DIAPH2: variants seen among roughly 807,000 people sequenced by gnomAD.
DIAPH2 encodes the protein diaphanous related formin 2.
A neutral mutation model predicts 92.7 loss-of-function variants in DIAPH2; 35 were observed. The observed-to-expected ratio is 0.38, with a 90% CI of 0.29 to 0.50. The LOEUF is 0.50. Ranked by LOEUF, DIAPH2 falls within the 20% of genes least tolerant of loss-of-function variation. DIAPH2 has a pLI of 0.94. For missense variants in DIAPH2, 701 were observed against 819.5 expected, an observed-to-expected ratio of 0.86 and a Z score of 1.77; for synonymous variants, 301 against 280.4, an observed-to-expected ratio of 1.07 and a Z score of -0.73.
chrX:97,441,864 A>G (rs1376927209), intron 26 of DIAPH2, among the ~76,000 whole-genome samples: 1 of 113,357 alleles, frequency 8.8e-6, no homozygotes, highest in African/African-American at 3.2e-5. Flanking sequence ...GACAGACATC[A>G]CATGTATTGG....
chrX:96,848,128 C>T (rs1345821703), intron 4 of DIAPH2, among the ~76,000 whole-genome samples: 1 of 110,820 alleles, frequency 9.0e-6, no homozygotes, highest in Non-Finnish European at 1.9e-5. Flanking sequence ...CAGCCTCTAC[C>T]TCCTGGGCTT....
At chrX:97,578,003 A>G (rs1385326311) in intron 26 of DIAPH2, among the ~76,000 whole-genome samples, 5 of 73,149 alleles carry the variant, frequency 6.8e-5, no homozygotes, top group African/African-American at 1.8e-4. Context: ...ACCACTTCAA[A>G]TTAGGATTGA....
At chrX:96,691,737 C>A (rs1421501710) in intron 1 of DIAPH2, among the ~76,000 whole-genome samples, 1 of 112,301 alleles carries the variant, frequency 8.9e-6, no homozygotes, top group Non-Finnish European at 1.9e-5. Context: ...TACATTGCTA[C>A]AAATACATAC....
intron 21 of DIAPH2, among the ~76,000 whole-genome samples, chrX:97,121,384 A>G (rs5966986): frequency 0.06 from 6,722 of 111,410 alleles, 493 homozygotes; most frequent in African/African-American, 0.2. Flanking sequence ...TTGACATTTA[A>G]TTTACTGTTT....
At chrX:97,372,614 T>G (rs2069458752) in intron 24 of DIAPH2, among the ~76,000 whole-genome samples, 1 of 111,812 alleles carries the variant, frequency 8.9e-6, no homozygotes, top group Middle Eastern at 4.2e-3. Context: ...ACTCAAGGAC[T>G]TTTTGTATAA....
At chrX:97,169,697 T>C (rs1178017304) in intron 22 of DIAPH2, among the ~76,000 whole-genome samples, 1 of 111,301 alleles carries the variant, frequency 9.0e-6, no homozygotes, top group East Asian at 2.8e-4. Context: ...GACCTCCTCT[T>C]TACAAATAAT....
chrX:97,231,427 T>C (rs572255530), intron 22 of DIAPH2, among the ~76,000 whole-genome samples: 1 of 110,886 alleles, frequency 9.0e-6, no homozygotes, highest in Admixed American at 9.7e-5. Context: ...ATCTGAAAAC[T>C]GCAGCCATTT....
At chrX:97,105,491 G>A (rs988551984) in intron 20 of DIAPH2, among the ~76,000 whole-genome samples, 26 of 111,189 alleles carry the variant, frequency 2.3e-4, no homozygotes, top group African/African-American at 8.5e-4. Context: ...ATTGAATTTG[G>A]TACATCATTG....
intron 4 of DIAPH2, among the ~76,000 whole-genome samples, chrX:96,837,331 G>A (rs1044112195): frequency 1.0e-4 from 11 of 108,135 alleles, no homozygotes; most frequent in Non-Finnish European, 1.7e-4. Flanking sequence ...ATATAAACTC[G>A]CTGATAAGTG....
chrX:97,374,654 A>G (rs767088997), intron 24 of DIAPH2, among the ~76,000 whole-genome samples: 1 of 112,321 alleles, frequency 8.9e-6, no homozygotes, highest in Admixed American at 9.4e-5. Context: ...CTGCAGCTGA[A>G]AATTCTTTGC....
Position 97,471,690 on chromosome X carries a change from CAA to C in DIAPH2, c.3241+41966_3241+41967del, listed in dbSNP as rs34891772. 5.4e-3 allele frequency among the ~76,000 whole-genome samples: 242 copies of C among 44,945 alleles called. 1 individual carries two copies. Among genetic ancestry groups the C allele is most frequent in the African/African-American group, 0.017 (178 of 10,753 alleles). 39.0% of individuals were successfully genotyped at this position (44,945 alleles called of 115,157 possible). On this transcript the variant is annotated intron_variant, in intron 26 of 26. Coordinates refer to ENST00000324765, the MANE Select transcript of DIAPH2 (RefSeq NM_006729.5). The stretch of plus-strand genomic sequence containing the variant: ...GGGCAACGAGAGTGAAAATCCGTCT[CAA>C]AAAAAAAAAAAAAAAAAAAAGGAAA...
chrX:97,518,389 A>G (rs1051632294), intron 26 of DIAPH2, among the ~76,000 whole-genome samples: 1 of 111,278 alleles, frequency 9.0e-6, no homozygotes, highest in African/African-American at 3.3e-5. Context: ...TTGAAAAATC[A>G]GGATGGGGAA....
At chrX:97,272,886 T>C (rs771615632) in intron 23 of DIAPH2, among the ~76,000 whole-genome samples, 67 of 112,318 alleles carry the variant, frequency 6.0e-4, no homozygotes, top group Non-Finnish European at 7.9e-4. Flanking sequence ...CTGAGCGCAG[T>C]GGCTCATGTG....
Position 96,873,239 on chromosome X carries a change from G to A in DIAPH2, c.448-8340G>A, listed in dbSNP as rs151025244. 6.8e-3 allele frequency among the ~76,000 whole-genome samples: 760 copies of A among 111,335 alleles called. 8 individuals carry two copies. Among genetic ancestry groups the A allele is most frequent in the African/African-American group, 0.023 (719 of 30,607 alleles). The stretch of plus-strand genomic sequence containing the variant: ...CTTTGTATGTCTTCTTTTGAGACAC[G>A]TCTACTGAGATCTTTTGTCCATTTA... On this transcript the variant is annotated intron_variant, in intron 4 of 26. Transcript: ENST00000324765.
At chrX:97,034,296 T>A (rs2066395290) in intron 17 of DIAPH2, among the ~76,000 whole-genome samples, 1 of 111,316 alleles carries the variant, frequency 9.0e-6, no homozygotes, top group African/African-American at 3.3e-5. Flanking sequence ...TATTATTATG[T>A]ATGTAGATAA....
chrX:97,600,418 A>G lies in DIAPH2; in HGVS notation c.*1101A>G, dbSNP rs776355350. 9.0e-6 allele frequency: 1 copy of G among 111,320 alleles called. No individual in the cohort carries two copies. Among genetic ancestry groups the G allele is most frequent in the East Asian group, 2.8e-4 (1 of 3,591 alleles). 9.2% of individuals were successfully genotyped at this position (111,320 alleles called of 1,213,427 possible). Reference sequence around the variant, plus strand: ...GAAGAAAAAGAAATTTTATGTATGTATGTGTAAATATGTGTATATATTTCT... The same window carrying G: ...GAAGAAAAAGAAATTTTATGTATGTGTGTGTAAATATGTGTATATATTTCT... On this transcript the variant is annotated 3_prime_UTR_variant, in exon 27 of 27. Coordinates refer to ENST00000324765, the MANE Select transcript of DIAPH2 (RefSeq NM_006729.5).
chrX:96,826,004 T>G (rs2064813207), intron 4 of DIAPH2, among the ~76,000 whole-genome samples: 1 of 112,266 alleles, frequency 8.9e-6, no homozygotes, highest in South Asian at 3.7e-4. Flanking sequence ...AGTGTTCAAA[T>G]AAAACACTCC....
intron 2 of DIAPH2, 141 bp from the exon 3 acceptor site, chrX:96,738,445 C>T: frequency 2.2e-6 from 1 of 454,715 alleles, no homozygotes; most frequent in Non-Finnish European, 3.5e-6. Flanking sequence ...CTAACTGGAG[C>T]TTGCTGCTTA....
rs139854728 is a variant in DIAPH2, at chrX:97,017,073, T to G, written c.2050+51866T>G. On this transcript the variant is annotated intron_variant, in intron 17 of 26. Coordinates refer to ENST00000324765, the MANE Select transcript of DIAPH2 (RefSeq NM_006729.5). Reference sequence around the variant, plus strand: ...TTTTAACACCTTCCTTGGAGCTGCCTGAAGAAAATTGCAGGAATTTTTTAG... The same window carrying G: ...TTTTAACACCTTCCTTGGAGCTGCCGGAAGAAAATTGCAGGAATTTTTTAG... Among the ~76,000 whole-genome samples the G allele has an allele frequency of 9.2e-3, 1,027 of 111,692 alleles. 10 individuals are homozygous for G. Among genetic ancestry groups the G allele is most frequent in the African/African-American group, 0.031 (961 of 30,721 alleles).
Sources: allele counts gnomAD v4.1 joint callset (sites outside exome capture counted in the v4.1 genomes callset), GRCh38; gene constraint gnomAD v4.1.1; transcripts MANE v1.5; gene names NCBI Gene and HGNC (gene_info 2026-07-23, HGNC 2026-07-21).